MYO3B: variants seen among roughly 807,000 people sequenced by gnomAD.
MYO3B encodes myosin-IIIb.
A neutral mutation model predicts 174.6 loss-of-function variants in MYO3B; 156 were observed. That is an observed-to-expected ratio of 0.89 (90% CI 0.78 to 1.02). The LOEUF is 1.02. Among genes scored for constraint, MYO3B ranks in the 50% least tolerant of loss-of-function variants. The pLI is 0.00. For synonymous variants in MYO3B, 563 were observed against 569.1 expected (o/e 0.99, Z 0.15); for missense variants, 1,632 against 1,639.4 (o/e 1.00, Z 0.08).
intron 7 of MYO3B, among the ~76,000 whole-genome samples, chr2:170,303,903 A>G (rs1431275602): frequency 6.6e-6 from 1 of 152,140 alleles, no homozygotes; most frequent in Non-Finnish European, 1.5e-5. Flanking sequence ...TTATTCACTT[A>G]GCAATTTTAT....
chr2:170,596,806 C>T (rs1481815178), intron 32 of MYO3B, among the ~76,000 whole-genome samples: 2 of 152,140 alleles, frequency 1.3e-5, no homozygotes, highest in South Asian at 2.1e-4. Context: ...GTTCTTAACG[C>T]ACATGGTCAC....
chr2:170,440,621 C>T (rs555958653), intron 22 of MYO3B, among the ~76,000 whole-genome samples: 2 of 151,610 alleles, frequency 1.3e-5, no homozygotes, highest in Non-Finnish European at 2.9e-5. Context: ...GGATTGGTGG[C>T]GCGTGCCTCT....
intron 32 of MYO3B, among the ~76,000 whole-genome samples, chr2:170,614,940 C>T (rs1695354220): frequency 6.6e-6 from 1 of 152,166 alleles, no homozygotes; most frequent in Admixed American, 6.5e-5. Context: ...CCCTCCCTTG[C>T]TCACTAATCT....
intron 32 of MYO3B, among the ~76,000 whole-genome samples, chr2:170,545,083 A>C (rs1382317480): frequency 3.3e-5 from 5 of 152,166 alleles, no homozygotes; most frequent in Admixed American, 3.3e-4. Context: ...TTTTGGTTTA[A>C]ATCTATCATC....
At chr2:170,271,085 T>C (rs2093422233) in intron 7 of MYO3B, among the ~76,000 whole-genome samples, 2 of 152,142 alleles carry the variant, frequency 1.3e-5, no homozygotes, top group African/African-American at 4.8e-5. Context: ...TGCTACTAAG[T>C]AGCAACTTTG....
chr2:170,428,856 G>A (rs1016694869), intron 22 of MYO3B, among the ~76,000 whole-genome samples: 1 of 152,188 alleles, frequency 6.6e-6, no homozygotes. Context: ...ATACAAATGA[G>A]TCATAAAGAG....
chr2:170,285,151 A>G (rs2093545313), intron 7 of MYO3B, among the ~76,000 whole-genome samples: 1 of 152,218 alleles, frequency 6.6e-6, no homozygotes, highest in Non-Finnish European at 1.5e-5. Context: ...TGTTATTACA[A>G]TACAAATAAT....
At chr2:170,429,351 A>G (rs1199801712) in intron 22 of MYO3B, among the ~76,000 whole-genome samples, 4 of 152,154 alleles carry the variant, frequency 2.6e-5, no homozygotes, top group African/African-American at 7.2e-5. Flanking sequence ...TATCCAAACC[A>G]TCCACCTTTG....
intron 7 of MYO3B, among the ~76,000 whole-genome samples, chr2:170,261,280 C>T (rs903695619): frequency 6.6e-6 from 1 of 152,314 alleles, no homozygotes; most frequent in African/African-American, 2.4e-5. Flanking sequence ...CCGCCTCAGC[C>T]TCCCAAAGTG....
chr2:170,608,068 G>C (rs1215943029), intron 32 of MYO3B, among the ~76,000 whole-genome samples: 2 of 152,136 alleles, frequency 1.3e-5, no homozygotes, highest in Non-Finnish European at 2.9e-5. Context: ...TGAAATTTGG[G>C]GACAGGTACA....
At chr2:170,588,334 G>A (rs1318546766) in intron 32 of MYO3B, among the ~76,000 whole-genome samples, 1 of 152,148 alleles carries the variant, frequency 6.6e-6, no homozygotes, top group Non-Finnish European at 1.5e-5. Flanking sequence ...AGCTACTCAG[G>A]AGGCTGAGGC....
At chr2:170,217,275 T>C (rs750595835) in intron 5 of MYO3B, 44 bp from the exon 6 acceptor site, 25 of 1,558,836 alleles carry the variant, frequency 1.6e-5, no homozygotes, top group Non-Finnish European at 2.0e-5. Flanking sequence ...TGGTCTAGCA[T>C]CATACTTTGC....
chr2:170,429,075 A>T (rs1484288435), intron 22 of MYO3B, among the ~76,000 whole-genome samples: 1 of 152,232 alleles, frequency 6.6e-6, no homozygotes, highest in Admixed American at 6.5e-5. Flanking sequence ...GCTTAAAAAC[A>T]CAAGGAAGCA....
chr2:170,539,812 G>A (rs1195498658), intron 30 of MYO3B, among the ~76,000 whole-genome samples: 3 of 151,782 alleles, frequency 2.0e-5, no homozygotes, highest in South Asian at 4.2e-4. Flanking sequence ...AATAGAGACA[G>A]GGTTTCACCA....
intron 7 of MYO3B, among the ~76,000 whole-genome samples, chr2:170,296,637 C>A (rs147638250): frequency 5.9e-5 from 9 of 152,204 alleles, no homozygotes; most frequent in Admixed American, 5.9e-4. Flanking sequence ...GAGAGCAAAA[C>A]CTTTTTACCA....
At chr2:170,629,015 C>G (rs13399773) in intron 32 of MYO3B, among the ~76,000 whole-genome samples, 11,099 of 152,140 alleles carry the variant, frequency 0.073, 1,376 homozygotes, top group African/African-American at 0.25. Flanking sequence ...TCAGAGTGAG[C>G]CCAACCGAAG....
intron 25 of MYO3B, among the ~76,000 whole-genome samples, chr2:170,483,311 G>T (rs1314516174): frequency 4.7e-5 from 7 of 149,994 alleles, no homozygotes; most frequent in African/African-American, 1.7e-4. Flanking sequence ...CTGGACATTT[G>T]GATTTGCTTG....
Position 170,488,943 on chromosome 2 carries a change from CAGAT to C in MYO3B, c.3015-9645_3015-9642del, listed in dbSNP as rs199754661. ...CAAGGAGAGCCAGACTGCTGGTACT[CAGAT>C]AGAAGAAATCAACACTTTAAGTCAA... On this transcript the variant is annotated intron_variant, in intron 25 of 34. Transcript: ENST00000408978. Among the ~76,000 whole-genome samples the C allele has an allele frequency of 6.6e-3, 999 of 152,284 alleles. 8 individuals carry two copies. The highest frequency in any genetic ancestry group is 0.01 in the Middle Eastern group (3 of 294).
intron 6 of MYO3B, among the ~76,000 whole-genome samples, chr2:170,218,855 A>G (rs987406213): frequency 6.6e-6 from 1 of 152,218 alleles, no homozygotes; most frequent in Admixed American, 6.5e-5. Flanking sequence ...TTATCTAGGG[A>G]CTTTGTGAAT....
Sources: allele counts gnomAD v4.1 joint callset (sites outside exome capture counted in the v4.1 genomes callset), GRCh38; gene constraint gnomAD v4.1.1; transcripts MANE v1.5; gene names NCBI Gene and HGNC (gene_info 2026-07-23, HGNC 2026-07-21).